CPNE4: variants seen among roughly 807,000 people sequenced by gnomAD.
CPNE4 encodes the protein copine 4.
A neutral mutation model predicts 67.9 loss-of-function variants in CPNE4; 25 were observed. That is an observed-to-expected ratio of 0.37 (90% CI 0.27 to 0.51). CPNE4 has a LOEUF of 0.51. Ranked by LOEUF, CPNE4 falls within the 20% of genes least tolerant of loss-of-function variation. CPNE4 has a pLI of 0.93. For missense variants in CPNE4, 464 were observed against 690.8 expected (o/e 0.67, Z 3.68); for synonymous variants, 242 against 244.9 (o/e 0.99, Z 0.11).
intron 1 of CPNE4, among the ~76,000 whole-genome samples, chr3:132,021,306 T>C (rs1414091766): frequency 2.0e-5 from 3 of 152,244 alleles, no homozygotes; most frequent in Non-Finnish European, 2.9e-5. Flanking sequence ...ACTTACTGTG[T>C]GCAAGATCCT....
intron 7 of CPNE4, among the ~76,000 whole-genome samples, chr3:131,616,995 G>C (rs760017617): frequency 1.3e-5 from 2 of 152,198 alleles, no homozygotes; most frequent in Admixed American, 6.5e-5. Context: ...ACATAGGCTA[G>C]AGGACAATGT....
At chr3:131,709,728 T>C (rs1360486311) in intron 3 of CPNE4, among the ~76,000 whole-genome samples, 1 of 152,226 alleles carries the variant, frequency 6.6e-6, no homozygotes, top group Non-Finnish European at 1.5e-5. Context: ...ATAATGACAC[T>C]TACCCTCAGG....
At chr3:131,837,335 T>A in intron 2 of CPNE4, among the ~76,000 whole-genome samples, 1 of 152,266 alleles carries the variant, frequency 6.6e-6, no homozygotes, top group East Asian at 1.9e-4. Context: ...GTTGGATGTC[T>A]ATATCATGAG....
intron 1 of CPNE4, among the ~76,000 whole-genome samples, chr3:131,930,782 C>A (rs1009728771): frequency 6.6e-6 from 1 of 152,082 alleles, no homozygotes; most frequent in African/African-American, 2.4e-5. Context: ...AATGCTGCCA[C>A]CCTTTAGGGC....
chr3:131,925,377 T>C (rs917500799), intron 1 of CPNE4, among the ~76,000 whole-genome samples: 1 of 152,156 alleles, frequency 6.6e-6, no homozygotes, highest in African/African-American at 2.4e-5. Context: ...ATCACCGTGA[T>C]GTCAGCACAG....
intron 7 of CPNE4, among the ~76,000 whole-genome samples, chr3:131,617,957 A>T (rs1940253753): frequency 6.6e-6 from 1 of 152,206 alleles, no homozygotes; most frequent in Admixed American, 6.5e-5. Context: ...CTCCATTTCC[A>T]GAGCAGATGT....
intron 7 of CPNE4, among the ~76,000 whole-genome samples, chr3:131,610,907 A>T (rs1939800405): frequency 6.6e-6 from 1 of 152,168 alleles, no homozygotes; most frequent in Non-Finnish European, 1.5e-5. Context: ...TAGGTAGGTG[A>T]ACAGGACAAT....
At chr3:131,968,792 A>G (rs2072426988) in intron 1 of CPNE4, among the ~76,000 whole-genome samples, 1 of 152,216 alleles carries the variant, frequency 6.6e-6, no homozygotes, top group African/African-American at 2.4e-5. Flanking sequence ...TGTGGAAGAC[A>G]GTGTGGCAAT....
intron 1 of CPNE4, among the ~76,000 whole-genome samples, chr3:132,020,788 G>A (rs1371043684): frequency 6.6e-6 from 1 of 152,120 alleles, no homozygotes; most frequent in African/African-American, 2.4e-5. Context: ...GGTCATCACA[G>A]GACACTGTTA....
intron 2 of CPNE4, among the ~76,000 whole-genome samples, chr3:131,856,785 A>G (rs1191691627): frequency 6.6e-6 from 1 of 152,054 alleles, no homozygotes; most frequent in South Asian, 2.1e-4. Flanking sequence ...GCCTTAAAGC[A>G]TTTGATCCTC....
At chr3:131,759,987 T>C (rs1038933860) in intron 2 of CPNE4, among the ~76,000 whole-genome samples, 6 of 152,308 alleles carry the variant, frequency 3.9e-5, no homozygotes, top group Middle Eastern at 3.4e-3. Context: ...GCTTTGCCAC[T>C]TCTGAAATAG....
In CPNE4 at chr3:131,699,869, T is replaced by A. The variant is rs940428009; in HGVS notation, c.432+40A>T. Reference sequence around the variant, plus strand: ...TGGGCTGGCCAGTCCGCCCAGGCTCTCCACTCAGGCAGACAGCTGCTTAGG... The same window carrying A: ...TGGGCTGGCCAGTCCGCCCAGGCTCACCACTCAGGCAGACAGCTGCTTAGG... On this transcript the variant is annotated intron_variant, in intron 4 of 15. Coordinates refer to ENST00000429747, the MANE Select transcript of CPNE4 (RefSeq NM_130808.3). 1.9e-6 allele frequency: 3 copies of A among 1,575,644 alleles called. No individual in the cohort carries two copies. The Admixed American group carries it at 5.1e-5, about 27-fold the overall frequency.
chr3:131,849,694 G>A (rs545184153), intron 2 of CPNE4, among the ~76,000 whole-genome samples: 46 of 152,098 alleles, frequency 3.0e-4, no homozygotes, highest in African/African-American at 1.0e-3. Context: ...CTTGCTCTCC[G>A]GGACTTTTGC....
intron 7 of CPNE4, among the ~76,000 whole-genome samples, chr3:131,628,091 A>G (rs1471537601): frequency 6.6e-6 from 1 of 152,234 alleles, no homozygotes; most frequent in Non-Finnish European, 1.5e-5. Context: ...CATGAAATAA[A>G]GAGTCAACGG....
At chr3:131,637,261 G>A (rs372282578) in intron 7 of CPNE4, among the ~76,000 whole-genome samples, 1 of 151,960 alleles carries the variant, frequency 6.6e-6, no homozygotes, top group African/African-American at 2.4e-5. Context: ...ACCAGAGAAA[G>A]GTAAAGTCGA....
At chr3:131,971,108 G>A (rs758019884) in intron 1 of CPNE4, among the ~76,000 whole-genome samples, 1 of 152,224 alleles carries the variant, frequency 6.6e-6, no homozygotes, top group Non-Finnish European at 1.5e-5. Flanking sequence ...GATGGTTACA[G>A]TCACATGTCT....
intron 2 of CPNE4, among the ~76,000 whole-genome samples, chr3:131,761,210 CT>C (rs151161125): frequency 0.067 from 8,000 of 119,376 alleles, 516 homozygotes; most frequent in African/African-American, 0.17. Flanking sequence ...TCACTTCGTA[CT>C]TTTTTTTTTT....
At chr3:131,683,474 A>G (rs1045760952) in intron 6 of CPNE4, among the ~76,000 whole-genome samples, 1 of 152,138 alleles carries the variant, frequency 6.6e-6, no homozygotes, top group African/African-American at 2.4e-5. Flanking sequence ...GCCCTATTCT[A>G]TTGTGGCTGA....
chr3:131,653,375 G>A (rs77340748), intron 7 of CPNE4, among the ~76,000 whole-genome samples: 12,902 of 151,670 alleles, frequency 0.085, 644 homozygotes, highest in African/African-American at 0.14. Flanking sequence ...GTCTCGATCT[G>A]CTGACCTCGT....
Sources: allele counts gnomAD v4.1 joint callset (sites outside exome capture counted in the v4.1 genomes callset), GRCh38; gene constraint gnomAD v4.1.1; transcripts MANE v1.5; gene names NCBI Gene and HGNC (gene_info 2026-07-23, HGNC 2026-07-21).